Variants in EIF2S1 observed in about 807,000 individuals in gnomAD.
The protein encoded by EIF2S1 is eukaryotic translation initiation factor 2 subunit 1.
EIF2S1 carries 5 observed loss-of-function variants against 33.5 expected under a neutral mutation model. That is an observed-to-expected ratio of 0.15 (90% CI 0.08 to 0.31). The LOEUF is 0.31. EIF2S1 is among the 10% of genes least tolerant of loss of function. The probability of loss-of-function intolerance (pLI) is 1.00; values close to 1 mark genes in which losing one functional copy is unlikely to be tolerated. For synonymous variants in EIF2S1, 99 were observed against 127.5 expected, an observed-to-expected ratio of 0.78 and a Z score of 1.51; for missense variants, 191 against 384.6, an observed-to-expected ratio of 0.50 and a Z score of 4.21.
chr14:67,382,579 G>A lies in EIF2S1; in HGVS notation c.811G>A (p.Val271Ile). The part of the protein sequence containing the change: ...KIEEKRGVFN[V>I]QMEPKVVTDT... ...TGAGGAAAAGAGGGGTGTGTTCAAT[G>A]TTCAAATGGAGGTGAGATCAATAGA... Residue 271 changes from valine (V) to isoleucine (I), a missense_variant, in exon 7 of 8, where the codon GTT (valine) becomes ATT (isoleucine). Val to Ile is a conservative substitution (Grantham distance 29). Transcript: ENST00000256383. 1 of 1,613,900 alleles carries A rather than the reference G, an allele frequency of 6.2e-7. No individual in the cohort carries two copies. Among genetic ancestry groups the A allele is most frequent in the Non-Finnish European group, 8.5e-7 (1 of 1,179,880 alleles).
At chr14:67,374,765 G>C in intron 3 of EIF2S1, 1 of 365,424 alleles carries the variant, frequency 2.7e-6, no homozygotes, top group African/African-American at 2.1e-5. Context: ...ATAAAATACG[G>C]GGTTTTTTTG....
At chr14:67,367,478 C>T (rs1434407315) in intron 2 of EIF2S1, among the ~76,000 whole-genome samples, 2 of 152,362 alleles carry the variant, frequency 1.3e-5, no homozygotes, top group Non-Finnish European at 2.9e-5. Flanking sequence ...ATCCACCCGC[C>T]TTGGCCTCCC....
chr14:67,368,227 T>C lies in EIF2S1; in HGVS notation c.241+3219T>C, dbSNP rs992013934. On this transcript the variant is annotated intron_variant, in intron 2 of 7. Coordinates refer to ENST00000256383, the MANE Select transcript of EIF2S1 (RefSeq NM_004094.5). ...GCAGCGTAAACGGCTTGCAGTTGGC[T>C]AGTTTGAATGCTTTTGGCGGGCCTT... Among the ~76,000 whole-genome samples, 10 of 152,194 alleles carry C rather than the reference T, an allele frequency of 6.6e-5. 1 individual carries two copies. The highest frequency in any genetic ancestry group is 1.4e-4 in the African/African-American group (6 of 41,448).
At chr14:67,382,771 A>G (rs1161805425) in intron 7 of EIF2S1, 181 bp downstream of exon 7, 2 of 620,092 alleles carry the variant, frequency 3.2e-6, no homozygotes, top group Non-Finnish European at 5.5e-6. Context: ...AATAAACAAT[A>G]TAAATGAGAA....
rs745367906 is a variant in EIF2S1 at position 67,365,004 on chromosome 14, A to G, written c.237A>G (p.Glu79=). The G allele has an allele frequency of 6.3e-6, 10 of 1,594,704 alleles. No homozygotes were observed. In the Admixed American group the frequency reaches 8.7e-5, roughly 14 times the overall value. The part of the protein sequence containing the change: ...ECVVVIRVDK[E]KGYIDLSKRR... Reference sequence around the variant, plus strand: ...TGGTTGTCATTAGGGTGGACAAAGAAAAAGGTAAGTGAGAAAAATATCTGT... The same window carrying G: ...TGGTTGTCATTAGGGTGGACAAAGAGAAAGGTAAGTGAGAAAAATATCTGT... The change falls in exon 2 of 8, where the codon GAA becomes GAG. Residue 79 remains glutamate, a synonymous_variant. Transcript: ENST00000256383.
chr14:67,372,899 G>C (rs2085832821), intron 2 of EIF2S1, among the ~76,000 whole-genome samples: 1 of 151,928 alleles, frequency 6.6e-6, no homozygotes, highest in African/African-American at 2.4e-5. Flanking sequence ...CGAAAGTTTT[G>C]AATAGACACT....
At chr14:67,365,413 G>A (rs983523763) in intron 2 of EIF2S1, among the ~76,000 whole-genome samples, 2 of 152,188 alleles carry the variant, frequency 1.3e-5, no homozygotes, top group Non-Finnish European at 2.9e-5. Flanking sequence ...TGAAAATGGG[G>A]CAAATGGATT....
intron 2 of EIF2S1, among the ~76,000 whole-genome samples, chr14:67,371,113 T>G (rs2085817778): frequency 6.6e-6 from 1 of 151,950 alleles, no homozygotes; most frequent in African/African-American, 2.4e-5. Flanking sequence ...ATAATAAAAT[T>G]TCAGAAAGTT....
intron 4 of EIF2S1, among the ~76,000 whole-genome samples, chr14:67,376,879 G>C (rs1325738381): frequency 6.6e-6 from 1 of 152,120 alleles, no homozygotes; most frequent in Non-Finnish European, 1.5e-5. Context: ...ATAACCTCTT[G>C]TTTTCTCTAC....
intron 2 of EIF2S1, among the ~76,000 whole-genome samples, chr14:67,371,313 GGGAGGCTGAGGTGGGAGGAC>G (rs2085819483): frequency 6.6e-6 from 1 of 151,978 alleles, no homozygotes; most frequent in African/African-American, 2.4e-5. Flanking sequence ...CCAGCTACTT[GGGAGGCTGAGGTGGGAGGAC>G]GGCTTGAGCC....
chr14:67,376,581 A>T lies in EIF2S1; in HGVS notation c.464A>T (p.His155Leu). The T allele has an allele frequency of 6.2e-7, 1 of 1,613,678 alleles. No homozygotes were observed. Among genetic ancestry groups the T allele is most frequent in the Non-Finnish European group, 8.5e-7 (1 of 1,179,772 alleles). ...PGYGAYDAFK[H>L]AVSDPSILDS... ...TATGGTGCCTATGATGCATTTAAGC[A>T]TGCAGTCTCGTAAGAATACCTTCTT... Residue 155 changes from histidine (H) to leucine (L), a missense_variant, in exon 4 of 8, where the codon CAT becomes CTT. His to Leu is a moderately conservative substitution (Grantham distance 99, BLOSUM62 -3). Coordinates refer to ENST00000256383, the MANE Select transcript of EIF2S1 (RefSeq NM_004094.5).
At chr14:67,370,440 T>TA (rs1566612379) in intron 2 of EIF2S1, among the ~76,000 whole-genome samples, 1 of 152,086 alleles carries the variant, frequency 6.6e-6, no homozygotes, top group Non-Finnish European at 1.5e-5. Flanking sequence ...TTTGTTTTTT[T>TA]AAAAAAGAGC....
intron 2 of EIF2S1, among the ~76,000 whole-genome samples, chr14:67,374,170 C>A (rs1274805375): frequency 6.6e-6 from 1 of 152,120 alleles, no homozygotes; most frequent in Non-Finnish European, 1.5e-5. Context: ...CAACATGACA[C>A]TCAAAGGAAA....
chr14:67,364,221 T>C (rs1479793499), intron 1 of EIF2S1: 1 of 152,174 alleles, frequency 6.6e-6, no homozygotes, highest in East Asian at 1.9e-4. Context: ...TTAAAATTTT[T>C]TTAGTTTTTG....
intron 4 of EIF2S1, among the ~76,000 whole-genome samples, chr14:67,378,138 A>T (rs1282546881): frequency 6.6e-6 from 1 of 151,246 alleles, no homozygotes. Flanking sequence ...AAAAAAAAAA[A>T]AGCCAGACTC....
intron 4 of EIF2S1, among the ~76,000 whole-genome samples, chr14:67,378,145 ACT>A: frequency 6.7e-6 from 1 of 149,192 alleles, no homozygotes; most frequent in East Asian, 2.0e-4. Flanking sequence ...AAAAAGCCAG[ACT>A]CTTTCAGTTC....
At chr14:67,376,404 T>G in intron 3 of EIF2S1, 35 bp from the exon 4 acceptor site, 1 of 1,554,158 alleles carries the variant, frequency 6.4e-7, no homozygotes, top group Non-Finnish European at 8.7e-7. Context: ...AAATCTCTTA[T>G]CTTTGAATTG....
intron 5 of EIF2S1, among the ~76,000 whole-genome samples, chr14:67,381,300 A>C (rs1595650675): frequency 6.6e-6 from 1 of 152,242 alleles, no homozygotes; most frequent in South Asian, 2.1e-4. Context: ...TATATTATAC[A>C]TACTTAACCA....
At position 67,379,685 on chromosome 14, in the gene EIF2S1, C is replaced by T. The variant is rs1367000126; in HGVS notation, c.474-974C>T. On this transcript the variant is annotated intron_variant, in intron 4 of 7. Coordinates refer to ENST00000256383, the MANE Select transcript of EIF2S1 (RefSeq NM_004094.5). ...TTTTTTTTTTTTTGAGACGGAGTCTCGCTCTGTCGCCCAGGCTGGAGTGCA... is the reference window on the plus strand; with the variant it reads ...TTTTTTTTTTTTTGAGACGGAGTCTTGCTCTGTCGCCCAGGCTGGAGTGCA... Among the ~76,000 whole-genome samples, 17 of 110,752 alleles carry T rather than the reference C, an allele frequency of 1.5e-4. No homozygotes were observed. In the South Asian group the frequency reaches 1.8e-3, roughly 12 times the overall value. The allele number at this position is 110,752 out of a possible 152,430, so 72.7% of individuals were successfully genotyped here.
Sources: allele counts gnomAD v4.1 joint callset (sites outside exome capture counted in the v4.1 genomes callset), GRCh38; gene constraint gnomAD v4.1.1; transcripts MANE v1.5; gene names NCBI Gene and HGNC (gene_info 2026-07-23, HGNC 2026-07-21).